Variants in TMC5 observed in about 807,000 individuals in gnomAD.
TMC5 encodes transmembrane channel like 5.
Under a neutral mutation model 110.5 loss-of-function variants are expected in TMC5, and 86 were observed. That is an observed-to-expected ratio of 0.78 (90% CI 0.65 to 0.93). The LOEUF is 0.93. Ranked by LOEUF, TMC5 falls within the 40% of genes least tolerant of loss-of-function variation. The pLI is 0.00. For synonymous variants in TMC5, 455 were observed against 439.5 expected, an observed-to-expected ratio of 1.04 and a Z score of -0.44; for missense variants, 1,144 against 1,222.8, an observed-to-expected ratio of 0.94 and a Z score of 0.96.
intron 20 of TMC5, among the ~76,000 whole-genome samples, chr16:19,496,764 C>T (rs1969062873): frequency 6.6e-6 from 1 of 151,686 alleles, no homozygotes; most frequent in African/African-American, 2.4e-5. Context: ...GTGGCAGGCA[C>T]CTATAATCCC....
chr16:19,468,354 TTG>T (rs1284236253), intron 9 of TMC5, among the ~76,000 whole-genome samples: 1 of 152,100 alleles, frequency 6.6e-6, no homozygotes, highest in Non-Finnish European at 1.5e-5. Context: ...TGCAGCATTT[TTG>T]TGTGTGTGCT....
At position 19,440,521 on chromosome 16, in the gene TMC5, G is replaced by A. The variant is rs771364798; in HGVS notation, c.483G>A (p.Pro161=). 2.5e-5 allele frequency: 41 copies of A among 1,614,100 alleles called. No homozygotes were observed. Among genetic ancestry groups the A allele is most frequent in the African/African-American group, 8.0e-5 (6 of 75,028 alleles). ...THPDHFGSLE[P]DYPGAQSNSD... The stretch of plus-strand genomic sequence containing the variant: ...CAGATCATTTTGGCTCCTTAGAACC[G>A]GACTACCCTGGAGCTCAGAGCAACT... The change falls in exon 3 of 22, where the codon CCG becomes CCA. Residue 161 remains proline (P), a synonymous_variant. Transcript: ENST00000542583.
rs2245086 is a variant in TMC5, at chr16:19,498,011, C to T, written c.*45C>T. 0.86 allele frequency: 1,356,533 copies of T among 1,580,602 alleles called. 582,884 individuals are homozygous for T. The highest frequency in any genetic ancestry group is 0.93 in the African/African-American group (68,911 of 74,360). ...ACACCAATCAAATAAGGGGAGGAGACGAAAATGGAATGATTTCTTCCATGC... is the reference window on the plus strand; with the variant it reads ...ACACCAATCAAATAAGGGGAGGAGATGAAAATGGAATGATTTCTTCCATGC... On this transcript the variant is annotated 3_prime_UTR_variant, in exon 22 of 22. Coordinates refer to ENST00000542583, the MANE Select transcript of TMC5 (RefSeq NM_001261841.2).
chr16:19,465,978 G>A, intron 8 of TMC5, 104 bp from the exon 9 acceptor site: 1 of 1,251,204 alleles, frequency 8.0e-7, no homozygotes, highest in South Asian at 1.6e-5. Flanking sequence ...TAAACTGACT[G>A]GCCCAGGCTT....
At chr16:19,428,393 C>T (rs1029582343) in intron 1 of TMC5, among the ~76,000 whole-genome samples, 4 of 150,692 alleles carry the variant, frequency 2.7e-5, no homozygotes, top group East Asian at 1.9e-4. Flanking sequence ...ATTGCAGCCT[C>T]GAACTCCCAG....
chr16:19,474,333 G>A, intron 12 of TMC5, 57 bp downstream of exon 12: 1 of 1,571,034 alleles, frequency 6.4e-7, no homozygotes, highest in South Asian at 1.2e-5. Flanking sequence ...GAAGTGGGAT[G>A]GCAGCTAGAA....
At chr16:19,414,219 A>G (rs142967483), upstream of TMC5, among the ~76,000 whole-genome samples, 605 of 151,766 alleles carry the variant, frequency 4.0e-3, 5 homozygotes, top group African/African-American at 0.014. Context: ...TGGGGCTCCC[A>G]CATCTGCTGC....
intron 1 of TMC5, among the ~76,000 whole-genome samples, chr16:19,422,230 C>CAA (rs752152517): frequency 3.0e-4 from 34 of 111,702 alleles, no homozygotes; most frequent in African/African-American, 8.6e-4. Flanking sequence ...GACTCCATTT[C>CAA]AAAAAAAAAA....
intron 2 of TMC5, among the ~76,000 whole-genome samples, chr16:19,431,975 G>A (rs112623763): frequency 1.3e-5 from 2 of 152,098 alleles, no homozygotes; most frequent in African/African-American, 4.8e-5. Context: ...ACAAAGCTTG[G>A]CCTGACAATC....
chr16:19,435,315 C>T (rs1967318230), intron 2 of TMC5, among the ~76,000 whole-genome samples: 1 of 136,822 alleles, frequency 7.3e-6, no homozygotes, highest in Non-Finnish European at 1.5e-5. Flanking sequence ...CATGGTGAAA[C>T]CCCATCTCTA....
In TMC5 at chr16:19,473,345, CAAAAAAAAAAAAAAAAAAAAAAA is replaced by C. The variant is rs35872301; in HGVS notation, c.1939-766_1939-744del. On this transcript the variant is annotated intron_variant, in intron 11 of 21. Transcript: ENST00000542583. The stretch of plus-strand genomic sequence containing the variant: ...TGGGCAACAGAGCGAGACTCCGGCT[CAAAAAAAAAAAAAAAAAAAAAAA>C]AAAAAAAAAAAAACCAGCAGCACGG... Among the ~76,000 whole-genome samples, 13 of 20,240 alleles carry C rather than the reference CAAAAAAAAAAAAAAAAAAAAAAA, an allele frequency of 6.4e-4. No individual in the cohort carries two copies. In the South Asian group the frequency reaches 0.02, roughly 32 times the overall value. 13.3% of individuals were successfully genotyped at this position (20,240 alleles called of 152,430 possible). A position where few individuals can be genotyped will look rare whatever the true frequency, so the allele number is the denominator to read the frequency against.
chr16:19,441,526 G>T (rs2143472289), intron 3 of TMC5, among the ~76,000 whole-genome samples: 1 of 152,024 alleles, frequency 6.6e-6, no homozygotes, highest in Admixed American at 6.5e-5. Flanking sequence ...TTGCCATGTT[G>T]CCCAGGCTAG....
At chr16:19,412,563 T>A (rs1966858419) in intron 1 of TMC5, among the ~76,000 whole-genome samples, 1 of 152,120 alleles carries the variant, frequency 6.6e-6, no homozygotes, top group Non-Finnish European at 1.5e-5. Context: ...AGATGGGCTT[T>A]CATCATGTTG....
Position 19,440,633 on chromosome 16 carries a change from G to T in TMC5, c.595G>T (p.Ala199Ser). ...EHTSFRINPYADSLGKPDYPG... is the reference protein window; with the variant it reads ...EHTSFRINPYSDSLGKPDYPG... ...TACAAGTTTTAGAATCAATCCATACGCAGACTCTCTGGGAAAGCCTGATTA... is the reference window on the plus strand; with the variant it reads ...TACAAGTTTTAGAATCAATCCATACTCAGACTCTCTGGGAAAGCCTGATTA... Residue 199 changes from alanine to serine, a missense_variant, in exon 3 of 22, where the codon GCA (alanine) becomes TCA (serine). Coordinates refer to ENST00000542583, the MANE Select transcript of TMC5 (RefSeq NM_001261841.2). 1 of 1,614,138 alleles carries T rather than the reference G, an allele frequency of 6.2e-7. No individual in the cohort carries two copies. The highest frequency in any genetic ancestry group is 1.6e-4 in the Middle Eastern group (1 of 6,062).
At position 19,490,467 on chromosome 16, in the gene TMC5, C is replaced by T. The variant is rs191113618; in HGVS notation, c.2646C>T (p.Ile882=). The T allele has an allele frequency of 4.6e-5, 74 of 1,613,964 alleles. No individual in the cohort carries two copies. In the Admixed American group the frequency reaches 1.1e-3, roughly 24 times the overall value. ...PLFIHSIYSW[I]DTLSTRPGYL... is the part of the protein sequence containing the mutation. ...TCATTCACTCCATCTACAGCTGGATCGACACCCTAAGTACACGGCCTGGCT... is the reference window on the plus strand; with the variant it reads ...TCATTCACTCCATCTACAGCTGGATTGACACCCTAAGTACACGGCCTGGCT... Residue 882 remains isoleucine (I), a synonymous_variant, in exon 18 of 22, where the codon ATC becomes ATT. Coordinates refer to ENST00000542583, the MANE Select transcript of TMC5 (RefSeq NM_001261841.2).
chr16:19,434,107 T>TC (rs61592531), intron 2 of TMC5, among the ~76,000 whole-genome samples: 96,862 of 113,406 alleles, frequency 0.85, 41,581 homozygotes, highest in South Asian at 0.92. Context: ...AATATATATA[T>TC]TATATATATA....
intron 17 of TMC5, chr16:19,487,899 G>A (rs895618637): frequency 2.0e-5 from 3 of 152,440 alleles, no homozygotes; most frequent in Admixed American, 6.6e-5. Flanking sequence ...AGGAGGCAGA[G>A]GGAGTGAGGG....
chr16:19,469,547 C>A, intron 9 of TMC5, 134 bp from the exon 10 acceptor site: 2 of 1,118,190 alleles, frequency 1.8e-6, no homozygotes, highest in Non-Finnish European at 1.3e-6. Flanking sequence ...CCACACCGCT[C>A]CAGGCCAACA....
At chr16:19,486,389 G>A (rs1225878111) in intron 15 of TMC5, among the ~76,000 whole-genome samples, 1 of 151,670 alleles carries the variant, frequency 6.6e-6, no homozygotes, top group Non-Finnish European at 1.5e-5. Flanking sequence ...TTCTTTTTTT[G>A]TTGTTGAGAT....
Sources: gnomAD v4.1 joint callset for allele counts (sites outside exome capture counted in the v4.1 genomes callset) on GRCh38, gnomAD v4.1.1 for gene constraint, MANE v1.5 for transcripts, NCBI Gene and HGNC (gene_info 2026-07-23, HGNC 2026-07-21) for gene names.